The following GABRR3 variants were observed in gnomAD, a reference collection of about 807,000 sequenced individuals.
GABRR3 encodes gamma-aminobutyric acid receptor subunit rho-3.
A neutral mutation model predicts 43.2 loss-of-function variants in GABRR3; 29 were observed. That is an observed-to-expected ratio of 0.67 (90% CI 0.50 to 0.92). The LOEUF (loss-of-function observed/expected upper bound fraction) is 0.92. Ranked by LOEUF, GABRR3 falls within the 40% of genes least tolerant of loss-of-function variation. GABRR3 has a pLI of 0.00. For missense variants in GABRR3, 576 were observed against 572.3 expected (o/e 1.01, Z -0.07); for synonymous variants, 206 against 195.9 (o/e 1.05, Z -0.43).
intron 3 of GABRR3, among the ~76,000 whole-genome samples, chr3:98,019,609 A>T (rs564495575): frequency 3.3e-5 from 5 of 152,078 alleles, no homozygotes; most frequent in African/African-American, 4.8e-5. Flanking sequence ...TTTTTGAGAC[A>T]GAGTTTCACT....
Position 98,033,163 on chromosome 3 carries a change from ATGCAATCTCCAG to A in GABRR3, c.125+1688_125+1699del, listed in dbSNP as rs370108654. Among the ~76,000 whole-genome samples, 653 of 152,294 alleles carry A rather than the reference ATGCAATCTCCAG, an allele frequency of 4.3e-3. 2 individuals are homozygous for A. The highest frequency in any genetic ancestry group is 0.015 in the African/African-American group (633 of 41,560). ...TACTTCTGGACCAGTGTGATGGTTT[ATGCAATCTCCAG>A]TGCCCTGGAGGGTGTTTCTTTGAAG... On this transcript the variant is annotated intron_variant, in intron 2 of 9. Transcript: ENST00000621172.
chr3:98,020,673 G>C (rs943412235), intron 3 of GABRR3, among the ~76,000 whole-genome samples: 2 of 151,942 alleles, frequency 1.3e-5, no homozygotes, highest in African/African-American at 4.8e-5. Flanking sequence ...GAGCCTAAAG[G>C]TTGTTTGAAG....
chr3:98,008,330 T>C (rs1706748482), intron 6 of GABRR3, among the ~76,000 whole-genome samples: 1 of 152,188 alleles, frequency 6.6e-6, no homozygotes, highest in Non-Finnish European at 1.5e-5. Context: ...TTACAAGAAA[T>C]TTTCTAAAGT....
At chr3:98,008,473 T>C (rs910869549) in intron 6 of GABRR3, among the ~76,000 whole-genome samples, 2 of 152,202 alleles carry the variant, frequency 1.3e-5, no homozygotes, top group Non-Finnish European at 2.9e-5. Context: ...CTATCAAAAA[T>C]AGCTGATTGG....
chr3:98,004,695 C>A (rs1244760197), intron 7 of GABRR3, among the ~76,000 whole-genome samples: 1 of 151,246 alleles, frequency 6.6e-6, no homozygotes, highest in Non-Finnish European at 1.5e-5. Context: ...AAAAAAACAC[C>A]CTGTTGTTCA....
At position 98,009,079 on chromosome 3, in the gene GABRR3, A is replaced by C. The variant is rs755193499; in HGVS notation, c.531-41T>G. On this transcript the variant is annotated intron_variant, in intron 5 of 9. Transcript: ENST00000621172. ...GAAAAAGAAAACTGCAGATCATTTA[A>C]CCATCTGGCCAAATGAGCATGCAAC... The C allele has an allele frequency of 3.8e-6, 5 of 1,302,716 alleles. No homozygotes were observed. The African/African-American group carries it at 7.3e-5, about 19-fold the overall frequency. The allele number at this position is 1,302,716 out of a possible 1,614,324, so 80.7% of individuals were successfully genotyped here.
At chr3:98,012,354 G>C (rs766731248) in exon 5 of GABRR3, 11 of 1,613,500 alleles carry the variant, frequency 6.8e-6, no homozygotes, top group Non-Finnish European at 9.3e-6. Context: ...CTGAGACTTA[G>C]GAGGACGTTT....
chr3:97,997,758 A>T (rs183757954), intron 8 of GABRR3: 1 of 152,244 alleles, frequency 6.6e-6, no homozygotes, highest in African/African-American at 2.4e-5. Context: ...ATCAAAAACC[A>T]TGATGGTCAC....
At chr3:97,990,030 C>T (rs1037695642) in intron 9 of GABRR3, among the ~76,000 whole-genome samples, 2 of 152,220 alleles carry the variant, frequency 1.3e-5, no homozygotes, top group Non-Finnish European at 2.9e-5. Flanking sequence ...TTCTTCTATC[C>T]GGCCTCTCCC....
chr3:97,987,855 C>G (rs1030291597), intron 9 of GABRR3, among the ~76,000 whole-genome samples: 2 of 152,060 alleles, frequency 1.3e-5, no homozygotes, highest in Non-Finnish European at 2.9e-5. Flanking sequence ...TAGCTCACTG[C>G]AGCCTTGACC....
In GABRR3 at chr3:98,008,964, A is replaced by T. The variant is rs531472244; in HGVS notation, c.605T>A (p.Leu202Gln). The change falls in exon 6 of 10, where the codon CTG becomes CAG. Residue 202 changes from leucine (L) to glutamine (Q), a missense_variant. Transcript: ENST00000621172. ...CAGGAAGTGAGACTTACAGCTTTCCAGTTCAAGAGAACAATTTTGAGTGTC... is the reference window on the plus strand; with the variant it reads ...CAGGAAGTGAGACTTACAGCTTTCCTGTTCAAGAGAACAATTTTGAGTGTC... The T allele has an allele frequency of 6.9e-6, 11 of 1,600,090 alleles. No individual in the cohort carries two copies. The East Asian group carries it at 1.8e-4, about 26-fold the overall frequency.
chr3:98,008,464 T>C (rs1706749870), intron 6 of GABRR3, among the ~76,000 whole-genome samples: 1 of 152,196 alleles, frequency 6.6e-6, no homozygotes, highest in African/African-American at 2.4e-5. Flanking sequence ...TAAGATCTTC[T>C]ATCAAAAATA....
At chr3:98,014,521 G>A (rs544121363) in intron 4 of GABRR3, among the ~76,000 whole-genome samples, 323 of 152,300 alleles carry the variant, frequency 2.1e-3, no homozygotes, top group Middle Eastern at 3.4e-3. Context: ...AATCTTTTTT[G>A]AGTAGCGAGT....
At chr3:97,994,319 A>G (rs986083528) in intron 8 of GABRR3, among the ~76,000 whole-genome samples, 6 of 152,218 alleles carry the variant, frequency 3.9e-5, no homozygotes, top group Non-Finnish European at 8.8e-5. Context: ...TTCTATTTCA[A>G]ATAAAGTTTT....
chr3:98,005,406 T>C (rs1173649480), intron 7 of GABRR3, among the ~76,000 whole-genome samples: 1 of 152,170 alleles, frequency 6.6e-6, no homozygotes, highest in Non-Finnish European at 1.5e-5. Flanking sequence ...ACACAAAGCA[T>C]GTACATTTGA....
rs578242445 is a variant in GABRR3 at position 98,001,646 on chromosome 3, G to A, written c.876C>T (p.Asp292=). ...AAACTCTTGCAGGAACAGCTCTTCG[G>A]TCAATCCAAAATGAAACCCATGAAA... Residue 292 remains aspartate (D), a synonymous_variant, in exon 8 of 10, where the codon GAC becomes GAT. Coordinates refer to ENST00000621172, the Ensembl canonical transcript of GABRR3. The A allele has an allele frequency of 1.6e-4, 252 of 1,613,172 alleles. 2 individuals carry two copies. The South Asian group carries it at 2.1e-3, about 14-fold the overall frequency.
chr3:97,986,028 G>A (rs965767844), downstream of GABRR3, among the ~76,000 whole-genome samples: 9 of 151,848 alleles, frequency 5.9e-5, no homozygotes, highest in South Asian at 2.1e-4. Context: ...CACCATGCCC[G>A]CTAATTTTTG....
At chr3:98,003,969 G>A (rs1263147726) in intron 7 of GABRR3, among the ~76,000 whole-genome samples, 1 of 152,084 alleles carries the variant, frequency 6.6e-6, no homozygotes, top group Admixed American at 6.6e-5. Flanking sequence ...ACTAAATTTT[G>A]GATGGGGACG....
At chr3:97,989,845 G>A (rs890873061) in intron 9 of GABRR3, among the ~76,000 whole-genome samples, 1 of 152,082 alleles carries the variant, frequency 6.6e-6, no homozygotes, top group East Asian at 1.9e-4. Flanking sequence ...AAATATTAGT[G>A]AGCCCTCCTG....
Sources: allele counts gnomAD v4.1 joint callset (sites outside exome capture counted in the v4.1 genomes callset), GRCh38; gene constraint gnomAD v4.1.1; transcripts MANE v1.5; gene names NCBI Gene and HGNC (gene_info 2026-07-23, HGNC 2026-07-21).